The following RIC3 variants were observed in gnomAD, a reference collection of about 807,000 sequenced individuals.
The protein encoded by RIC3 is protein RIC-3.
RIC3 carries 28 observed loss-of-function variants against 27.3 expected under a neutral mutation model. The observed-to-expected ratio is 1.02, with a 90% CI of 0.76 to 1.41. The LOEUF is 1.41. Ranked by LOEUF, RIC3 falls within the 40% of genes most tolerant of loss-of-function variation. The pLI is 0.00. For synonymous variants in RIC3, 184 were observed against 160.4 expected (o/e 1.15, Z -1.11); for missense variants, 501 against 444.7 (o/e 1.13, Z -1.14).
chr11:8,111,199 T>C (rs1254350711), intron 5 of RIC3, 62 bp from the exon 6 acceptor site: 4 of 1,156,434 alleles, frequency 3.5e-6, no homozygotes, highest in Non-Finnish European at 4.9e-6. Context: ...AAAAAAATAG[T>C]GTCAGGTTCA....
At chr11:8,150,926 G>A (rs1215236393) in intron 1 of RIC3, among the ~76,000 whole-genome samples, 1 of 152,122 alleles carries the variant, frequency 6.6e-6, no homozygotes, top group African/African-American at 2.4e-5. Flanking sequence ...TGTGGGGACA[G>A]GTAGATATTC....
At chr11:8,162,700 C>T (rs1951296973) in intron 1 of RIC3, among the ~76,000 whole-genome samples, 1 of 133,944 alleles carries the variant, frequency 7.5e-6, no homozygotes, top group Non-Finnish European at 1.5e-5. Context: ...GGCTGGAATG[C>T]AGTGGTGGGA....
the RIC3 span, chr11:8,100,455 T>C: frequency 2.1e-6 from 3 of 1,463,230 alleles, no homozygotes; most frequent in Non-Finnish European, 2.9e-6. Context: ...CCTTCTCCAG[T>C]AGGTAAATAG....
chr11:8,128,734 T>C (rs1042293635), intron 4 of RIC3, among the ~76,000 whole-genome samples: 3 of 150,832 alleles, frequency 2.0e-5, no homozygotes, highest in Non-Finnish European at 4.4e-5. Flanking sequence ...TATCATTTTA[T>C]GAAAAGTTGC....
At chr11:8,097,195 T>G in the RIC3 span, 1 of 1,611,964 alleles carries the variant, frequency 6.2e-7, no homozygotes, top group Non-Finnish European at 8.5e-7. Flanking sequence ...TTAGGGTCCT[T>G]GGGGCTCAGG....
At chr11:8,165,777 G>T (rs11041775) in intron 1 of RIC3, among the ~76,000 whole-genome samples, 53,332 of 135,768 alleles carry the variant, frequency 0.39, 10,193 homozygotes, top group East Asian at 0.52. Flanking sequence ...TTTTTTTTTT[G>T]TTTTGTTTTG....
At chr11:8,118,897 T>C (rs776069261) in intron 5 of RIC3, among the ~76,000 whole-genome samples, 10 of 148,896 alleles carry the variant, frequency 6.7e-5, no homozygotes, top group Non-Finnish European at 1.2e-4. Context: ...AAATAGCAGA[T>C]TGAAATGGAC....
rs755757223 is a variant in RIC3 at position 8,112,737 on chromosome 11, A to C, written c.671-1600T>G. ...GGCATTTGAAAGTTGGTTGCAAAAT[A>C]TCTCATCATATAGCTACATAACTGA... On this transcript the variant is annotated intron_variant, in intron 5 of 5. Coordinates refer to ENST00000309737, the MANE Select transcript of RIC3 (RefSeq NM_001206671.4). Among the ~76,000 whole-genome samples the C allele has an allele frequency of 3.3e-5, 5 of 152,232 alleles. No individual in the cohort carries two copies. The East Asian group carries it at 9.6e-4, about 29-fold the overall frequency.
chr11:8,162,389 A>G (rs916137980), intron 1 of RIC3, among the ~76,000 whole-genome samples: 2 of 152,174 alleles, frequency 1.3e-5, no homozygotes, highest in South Asian at 4.1e-4. Context: ...GACTACAACA[A>G]TCTTCTCCCT....
intron 1 of RIC3, among the ~76,000 whole-genome samples, chr11:8,146,133 T>C (rs1169904619): frequency 6.6e-6 from 1 of 152,206 alleles, no homozygotes; most frequent in Non-Finnish European, 1.5e-5. Context: ...AGTAGGGAGT[T>C]TGAAGTTAAC....
chr11:8,157,868 G>T (rs540721535), intron 1 of RIC3, among the ~76,000 whole-genome samples: 1 of 152,246 alleles, frequency 6.6e-6, no homozygotes, highest in African/African-American at 2.4e-5. Context: ...TTGAAAAAAT[G>T]CCTAATTTAC....
the RIC3 span, chr11:8,096,759 A>G: frequency 6.2e-7 from 1 of 1,614,088 alleles, no homozygotes; most frequent in African/African-American, 1.3e-5. Flanking sequence ...CTCCCAGCTA[A>G]ATAGTAACAC....
At chr11:8,100,581 GTC>G in the RIC3 span, 2 of 1,614,118 alleles carry the variant, frequency 1.2e-6, no homozygotes, top group African/African-American at 1.3e-5. Flanking sequence ...TCATGAGAGA[GTC>G]TCTATCCGCC....
At position 8,167,610 on chromosome 11, in the gene RIC3, T is replaced by C. The variant is rs190461905; in HGVS notation, c.124+1256A>G. Among the ~76,000 whole-genome samples the C allele has an allele frequency of 3.0e-3, 458 of 150,906 alleles. 2 individuals are homozygous for C. Among genetic ancestry groups the C allele is most frequent in the African/African-American group, 0.01 (426 of 40,988 alleles). On this transcript the variant is annotated intron_variant, in intron 1 of 5. Transcript: ENST00000309737. ...GTCTCCCACTCACAGTCAATAGTAC[T>C]TGTTCAAGATAATTCACCATAATGG...
At chr11:8,127,760 C>A (rs1947166924) in intron 4 of RIC3, among the ~76,000 whole-genome samples, 1 of 152,114 alleles carries the variant, frequency 6.6e-6, no homozygotes, top group African/African-American at 2.4e-5. Flanking sequence ...ACAACACTTA[C>A]AAAGGAAAAA....
intron 1 of RIC3, among the ~76,000 whole-genome samples, chr11:8,161,404 C>T (rs1242058066): frequency 6.6e-6 from 1 of 152,208 alleles, no homozygotes; most frequent in Non-Finnish European, 1.5e-5. Context: ...TCTATCCCTT[C>T]ACCTAAACCT....
chr11:8,127,382 C>A (rs1303610369), intron 4 of RIC3, among the ~76,000 whole-genome samples: 1 of 152,164 alleles, frequency 6.6e-6, no homozygotes, highest in Non-Finnish European at 1.5e-5. Context: ...CTGGGGTCCA[C>A]AGAGGAGAAA....
At chr11:8,125,746 G>A (rs753148698) in intron 5 of RIC3, among the ~76,000 whole-genome samples, 2 of 152,166 alleles carry the variant, frequency 1.3e-5, no homozygotes, top group Non-Finnish European at 2.9e-5. Flanking sequence ...AAGTTAAACA[G>A]GTGGCCGGGC....
chr11:8,140,476 C>T (rs1948927301), intron 1 of RIC3, among the ~76,000 whole-genome samples: 1 of 152,144 alleles, frequency 6.6e-6, no homozygotes, highest in African/African-American at 2.4e-5. Context: ...TGAGTTCCAA[C>T]CAAGGAATGT....
Sources: gnomAD v4.1 joint callset for allele counts (sites outside exome capture counted in the v4.1 genomes callset) on GRCh38, gnomAD v4.1.1 for gene constraint, MANE v1.5 for transcripts, NCBI Gene and HGNC (gene_info 2026-07-23, HGNC 2026-07-21) for gene names.